BABAM2: variants seen among roughly 807,000 people sequenced by gnomAD.
BABAM2 encodes BRISC and BRCA1-A complex member 2.
BABAM2 carries 31 observed loss-of-function variants against 54.7 expected under a neutral mutation model. The ratio of observed to expected loss-of-function variants is 0.57; its 90% CI spans 0.43 to 0.77. The LOEUF (loss-of-function observed/expected upper bound fraction) is 0.77. BABAM2 is among the 30% of genes least tolerant of loss of function. The probability of loss-of-function intolerance (pLI) is 0.00; values close to 1 mark genes in which losing one functional copy is unlikely to be tolerated. For synonymous variants in BABAM2, 167 were observed against 162.9 expected, an observed-to-expected ratio of 1.03 and a Z score of -0.19; for missense variants, 364 against 455.8, an observed-to-expected ratio of 0.80 and a Z score of 1.83.
At chr2:28,072,471 C>T (rs369778875) in intron 6 of BABAM2, among the ~76,000 whole-genome samples, 50 of 151,992 alleles carry the variant, frequency 3.3e-4, no homozygotes, top group African/African-American at 9.2e-4. Context: ...CTGCAAGCTC[C>T]GCTTCCCGGG....
chr2:28,273,277 C>A (rs1685581918), intron 10 of BABAM2, among the ~76,000 whole-genome samples: 1 of 152,156 alleles, frequency 6.6e-6, no homozygotes, highest in South Asian at 2.1e-4. Context: ...TGGTTCATGC[C>A]CTGACTACGT....
At chr2:28,318,090 G>A (rs908063804) in intron 11 of BABAM2, among the ~76,000 whole-genome samples, 3 of 152,218 alleles carry the variant, frequency 2.0e-5, no homozygotes, top group Non-Finnish European at 4.4e-5. Flanking sequence ...TCCAAGCAGC[G>A]ATTTTGGCCT....
chr2:27,973,403 A>G (rs1481796516), intron 3 of BABAM2, among the ~76,000 whole-genome samples: 5 of 152,022 alleles, frequency 3.3e-5, no homozygotes, highest in African/African-American at 1.2e-4. Context: ...TCAAAGACAT[A>G]GAAAGGGGGA....
chr2:28,185,272 C>T (rs1676157546), intron 7 of BABAM2, among the ~76,000 whole-genome samples: 1 of 152,170 alleles, frequency 6.6e-6, no homozygotes, highest in African/African-American at 2.4e-5. Context: ...GACAGCCGTA[C>T]ACCTGAACTC....
chr2:28,068,923 A>G (rs1663870453), intron 6 of BABAM2, among the ~76,000 whole-genome samples: 1 of 152,208 alleles, frequency 6.6e-6, no homozygotes, highest in Non-Finnish European at 1.5e-5. Flanking sequence ...AGGGTGTTTT[A>G]ATGGAAAATA....
intron 4 of BABAM2, among the ~76,000 whole-genome samples, chr2:28,010,422 G>A (rs993163612): frequency 6.6e-6 from 1 of 152,002 alleles, no homozygotes; most frequent in Admixed American, 6.5e-5. Context: ...GCAGATAAAT[G>A]TAGGAAGCTA....
Position 27,980,030 on chromosome 2 carries a change from G to A in BABAM2, c.206-7963G>A, listed in dbSNP as rs527840954. ...TTTCATGTATGTGTCATATTATAAA[G>A]CACTGTTGATGTGCATTTTGAAAGG... On this transcript the variant is annotated intron_variant, in intron 3 of 11. Transcript: ENST00000379624. 1.4e-4 allele frequency among the ~76,000 whole-genome samples: 21 copies of A among 152,258 alleles called. No individual in the cohort carries two copies. In the South Asian group the frequency reaches 4.3e-3, roughly 32 times the overall value.
intron 6 of BABAM2, among the ~76,000 whole-genome samples, chr2:28,091,040 A>G (rs1016881979): frequency 2.6e-5 from 4 of 152,190 alleles, no homozygotes; most frequent in East Asian, 3.8e-4. Context: ...TTATTTTCCT[A>G]ATACCTGAGC....
chr2:28,219,266 G>T (rs979709212), intron 7 of BABAM2, among the ~76,000 whole-genome samples: 1 of 152,212 alleles, frequency 6.6e-6, no homozygotes, highest in Non-Finnish European at 1.5e-5. Flanking sequence ...TGAGCTTCTA[G>T]AGGCTGCTGT....
At chr2:28,148,256 C>A (rs1208156196) in intron 7 of BABAM2, among the ~76,000 whole-genome samples, 2 of 152,126 alleles carry the variant, frequency 1.3e-5, no homozygotes, top group Non-Finnish European at 2.9e-5. Context: ...GATGTGATGC[C>A]CTTTGAATGG....
In BABAM2 at chr2:28,135,665, T is replaced by C. The variant is rs541562568; in HGVS notation, c.680+6285T>C. Among the ~76,000 whole-genome samples, 72 of 152,318 alleles carry C rather than the reference T, an allele frequency of 4.7e-4. 1 individual carries two copies. In the South Asian group the frequency reaches 0.014, roughly 29 times the overall value. On this transcript the variant is annotated intron_variant, in intron 7 of 11. Transcript: ENST00000379624. ...CCCCCAATAAGCTAATGTTTCTTCT[T>C]TACAGCCTGTTTTTATTCATGACAC...
chr2:28,234,887 G>A (rs1681754533), intron 7 of BABAM2, among the ~76,000 whole-genome samples: 1 of 152,214 alleles, frequency 6.6e-6, no homozygotes, highest in South Asian at 2.1e-4. Context: ...AATTTTCCTA[G>A]CCATCTTTAG....
intron 5 of BABAM2, among the ~76,000 whole-genome samples, chr2:28,029,872 A>G (rs1676169031): frequency 2.0e-5 from 3 of 152,214 alleles, no homozygotes; most frequent in Non-Finnish European, 4.4e-5. Flanking sequence ...ATATGTTTAT[A>G]TGGCTCATAA....
intron 3 of BABAM2, among the ~76,000 whole-genome samples, chr2:27,962,218 G>A (rs1215665655): frequency 1.3e-5 from 2 of 152,048 alleles, no homozygotes; most frequent in Non-Finnish European, 2.9e-5. Flanking sequence ...CAATCCTCCG[G>A]CTTCAGCCTC....
chr2:27,905,402 T>A (rs1232314206), intron 2 of BABAM2, among the ~76,000 whole-genome samples: 3 of 152,154 alleles, frequency 2.0e-5, no homozygotes, highest in Non-Finnish European at 4.4e-5. Context: ...TGACCTTTGA[T>A]AGGTCTCATA....
chr2:28,147,821 T>A (rs1671646799), intron 7 of BABAM2, among the ~76,000 whole-genome samples: 1 of 152,188 alleles, frequency 6.6e-6, no homozygotes, highest in South Asian at 2.1e-4. Context: ...TCAACGTGGA[T>A]GTTGTACTCA....
At position 28,333,865 on chromosome 2, in the gene BABAM2, T is replaced by G. The variant is rs536684575; in HGVS notation, c.1089-4585T>G. Among the ~76,000 whole-genome samples, 4 of 152,282 alleles carry G rather than the reference T, an allele frequency of 2.6e-5. No homozygotes were observed. In the South Asian group the frequency reaches 8.3e-4, roughly 32 times the overall value. ...ACATACTTTGTCTCTGGGTCAAAGG[T>G]TTTTTCAAAGATGACAGATACCTCT... On this transcript the variant is annotated intron_variant, in intron 11 of 11. Coordinates refer to ENST00000379624, the MANE Select transcript of BABAM2 (RefSeq NM_199191.3).
At chr2:28,198,851 T>G (rs1169175373) in intron 7 of BABAM2, among the ~76,000 whole-genome samples, 1 of 152,170 alleles carries the variant, frequency 6.6e-6, no homozygotes. Context: ...GGAGAACTTT[T>G]TAATGCCTTA....
chr2:27,925,931 A>G (rs1667669074), intron 2 of BABAM2, among the ~76,000 whole-genome samples: 1 of 152,214 alleles, frequency 6.6e-6, no homozygotes, highest in Non-Finnish European at 1.5e-5. Flanking sequence ...CAGCAGCATT[A>G]TTACTGCACC....
Sources: gnomAD v4.1 joint callset for allele counts (sites outside exome capture counted in the v4.1 genomes callset) on GRCh38, gnomAD v4.1.1 for gene constraint, MANE v1.5 for transcripts, NCBI Gene and HGNC (gene_info 2026-07-23, HGNC 2026-07-21) for gene names.